The following GRIK4 variants were observed in gnomAD, a reference collection of about 807,000 sequenced individuals.
GRIK4 encodes glutamate receptor ionotropic, kainate 4.
Under a neutral mutation model 104.9 loss-of-function variants are expected in GRIK4, and 40 were observed. The observed-to-expected ratio is 0.38, with a 90% CI of 0.30 to 0.50. The LOEUF (loss-of-function observed/expected upper bound fraction) is 0.50, where lower values mean the gene tolerates loss of function less well. GRIK4 is among the 20% of genes least tolerant of loss of function. GRIK4 has a pLI of 0.93. For synonymous variants in GRIK4, 485 were observed against 524.9 expected (o/e 0.92, Z 1.04); for missense variants, 1,047 against 1,308.1 (o/e 0.80, Z 3.08).
At chr11:120,941,650 G>C (rs911290922) in intron 14 of GRIK4, among the ~76,000 whole-genome samples, 22 of 152,308 alleles carry the variant, frequency 1.4e-4, no homozygotes, top group African/African-American at 5.1e-4. Flanking sequence ...ATAAAAAGAA[G>C]GGAATTTGAA....
In GRIK4 at chr11:120,627,891, G is replaced by C. The variant is rs75061514; in HGVS notation, c.-158-25794G>C. On this transcript the variant is annotated intron_variant, in intron 1 of 20. Coordinates refer to ENST00000527524, the MANE Select transcript of GRIK4 (RefSeq NM_014619.5). ...AATAAAGGTCAAGACAAACTTCAGA[G>C]TGAACTTCTGAACTCATGTCACGGT... is the stretch of plus-strand genomic sequence containing the variant. 5.2e-3 allele frequency among the ~76,000 whole-genome samples: 786 copies of C among 152,362 alleles called. 6 individuals carry two copies. Among genetic ancestry groups the C allele is most frequent in the African/African-American group, 0.018 (730 of 41,574 alleles).
At position 120,800,202 on chromosome 11, in the gene GRIK4, G is replaced by A. The variant is rs144612697; in HGVS notation, c.83-2491G>A. 8.0e-4 allele frequency among the ~76,000 whole-genome samples: 121 copies of A among 152,200 alleles called. 1 individual carries two copies. In the East Asian group the frequency reaches 0.02, roughly 25 times the overall value. On this transcript the variant is annotated intron_variant, in intron 3 of 20. Transcript: ENST00000527524. The stretch of plus-strand genomic sequence containing the variant: ...ACATTTTTTCCCACATCAACTCTTA[G>A]GTGGAACCCCAACCCCTGAAATGGA...
At position 120,967,257 on chromosome 11, in the gene GRIK4, G is replaced by A; in HGVS notation, c.2329G>A (p.Glu777Lys). 1.2e-6 allele frequency: 2 copies of A among 1,613,898 alleles called. No individual in the cohort carries two copies. Among genetic ancestry groups the A allele is most frequent in the Non-Finnish European group, 1.7e-6 (2 of 1,179,864 alleles). Residue 777 changes from glutamate (E) to lysine (K), a missense_variant, in exon 19 of 21, where the codon GAG (glutamate) becomes AAG (lysine). By Grantham distance (56) the Glu-to-Lys change is moderately conservative. Around this residue, in one of 3 missense-constraint regions of GRIK4, gnomAD observed 440 missense variants for 652.3 expected, o/e 0.67. Coordinates refer to ENST00000527524, the MANE Select transcript of GRIK4 (RefSeq NM_014619.5). The surrounding 1 kb of genome is among the most constrained non-coding windows in gnomAD (Gnocchi z 4.2). ...ILQLQENNRL[E>K]ILKRKWWEGG... ...CCAGCTGCAGGAGAACAACCGCCTGGAGATCCTGAAGCGCAAATGGTGGGA... is the reference window on the plus strand; with the variant it reads ...CCAGCTGCAGGAGAACAACCGCCTGAAGATCCTGAAGCGCAAATGGTGGGA...
chr11:120,611,307 C>T (rs985904071), intron 1 of GRIK4, among the ~76,000 whole-genome samples: 13 of 152,102 alleles, frequency 8.5e-5, no homozygotes, highest in East Asian at 5.8e-4. Context: ...TTCATCTCTT[C>T]GGGCCTTAGT....
intron 9 of GRIK4, 138 bp from the exon 10 acceptor site, chr11:120,873,928 G>A (rs1592018282): frequency 4.0e-6 from 3 of 740,876 alleles, no homozygotes; most frequent in South Asian, 1.9e-5. Flanking sequence ...TGGGCCAAGG[G>A]TGATGAAGAT....
chr11:120,552,318 C>G (rs780396661), intron 1 of GRIK4, among the ~76,000 whole-genome samples: 13 of 152,166 alleles, frequency 8.5e-5, no homozygotes, highest in Non-Finnish European at 1.6e-4. Flanking sequence ...CCCCACCCCA[C>G]CCCCACACAT....
At position 120,836,907 on chromosome 11, in the gene GRIK4, A is replaced by T. The variant is rs1953587864; in HGVS notation, c.744+63A>T. 6.4e-6 allele frequency: 7 copies of T among 1,090,244 alleles called. No homozygotes were observed. In the Admixed American group the frequency reaches 6.9e-5, roughly 11 times the overall value. 67.5% of individuals were successfully genotyped at this position (1,090,244 alleles called of 1,614,324 possible). On this transcript the variant is annotated intron_variant, in intron 8 of 20. Transcript: ENST00000527524. The stretch of plus-strand genomic sequence containing the variant: ...TGTTGTCAGTGGTCAGGATTGATGG[A>T]TTATAAGGGAAAAAGCCCAGGGGAT...
intron 16 of GRIK4, among the ~76,000 whole-genome samples, chr11:120,959,226 G>A (rs1383108227): frequency 2.0e-5 from 3 of 152,146 alleles, no homozygotes; most frequent in Non-Finnish European, 4.4e-5. Flanking sequence ...GAAGGCGAGT[G>A]GTTTTCCCCC....
At chr11:120,712,904 C>T (rs958152544) in intron 3 of GRIK4, among the ~76,000 whole-genome samples, 13 of 152,162 alleles carry the variant, frequency 8.5e-5, no homozygotes, top group Non-Finnish European at 1.8e-4. Context: ...GATTTTTACC[C>T]GTGTCACTAG....
At chr11:120,810,009 G>A (rs533888464) in intron 4 of GRIK4, among the ~76,000 whole-genome samples, 9 of 152,330 alleles carry the variant, frequency 5.9e-5, no homozygotes, top group African/African-American at 1.7e-4. Context: ...AGTCTGCAGT[G>A]AGCTATGATT....
rs1405857619 is a variant in GRIK4, at chr11:120,793,775, G to A, written c.83-8918G>A. Among the ~76,000 whole-genome samples, 6 of 150,934 alleles carry A rather than the reference G, an allele frequency of 4.0e-5. No individual in the cohort carries two copies. The East Asian group carries it at 5.9e-4, about 15-fold the overall frequency. ...TTTGAGGGGAAGGGTAGTGTTAGGGGCTGAGAGCTGGGCAATGTTTAGAGG... is the reference window on the plus strand; with the variant it reads ...TTTGAGGGGAAGGGTAGTGTTAGGGACTGAGAGCTGGGCAATGTTTAGAGG... On this transcript the variant is annotated intron_variant, in intron 3 of 20. Transcript: ENST00000527524.
chr11:120,543,642 A>C (rs1436532750), intron 1 of GRIK4, among the ~76,000 whole-genome samples: 1 of 152,210 alleles, frequency 6.6e-6, no homozygotes, highest in African/African-American at 2.4e-5. Context: ...CAGTAATCCC[A>C]CTTCTGGGTA....
At chr11:120,859,122 T>A (rs1164517313) in intron 8 of GRIK4, 1 of 152,138 alleles carries the variant, frequency 6.6e-6, no homozygotes, top group Non-Finnish European at 1.5e-5. Flanking sequence ...AACTCATTCA[T>A]TCTTACTCCG....
At chr11:120,554,753 T>C (rs2136098051) in intron 1 of GRIK4, among the ~76,000 whole-genome samples, 1 of 152,214 alleles carries the variant, frequency 6.6e-6, no homozygotes. Context: ...GAGACGGAGT[T>C]TCACCATGTT....
chr11:120,677,673 G>A (rs1342161629), intron 3 of GRIK4, among the ~76,000 whole-genome samples: 1 of 152,250 alleles, frequency 6.6e-6, no homozygotes, highest in Non-Finnish European at 1.5e-5. Context: ...ATTAAGTGCT[G>A]AGACATCAGC....
At chr11:120,978,651 G>C (rs1944601684) in intron 19 of GRIK4, among the ~76,000 whole-genome samples, 1 of 152,186 alleles carries the variant, frequency 6.6e-6, no homozygotes, top group Admixed American at 6.5e-5. Flanking sequence ...GAGATGGTGG[G>C]TGCCTGAACT....
chr11:120,547,333 T>C (rs904108976), intron 1 of GRIK4, among the ~76,000 whole-genome samples: 9 of 152,256 alleles, frequency 5.9e-5, no homozygotes, highest in African/African-American at 2.2e-4. Flanking sequence ...TCTGTGGATG[T>C]CTCGCCCCTA....
chr11:120,678,935 G>GTT (rs56145030), intron 3 of GRIK4, among the ~76,000 whole-genome samples: 1 of 148,464 alleles, frequency 6.7e-6, no homozygotes, highest in African/African-American at 2.5e-5. Flanking sequence ...GCCTGGCCTG[G>GTT]TTTTTTTTTT....
chr11:120,589,409 GA>G (rs1192147495), intron 1 of GRIK4, among the ~76,000 whole-genome samples: 2 of 152,158 alleles, frequency 1.3e-5, no homozygotes, highest in Admixed American at 6.5e-5. Context: ...GGCTTTTCTA[GA>G]GAGGGCTTGA....
Sources: gnomAD v4.1 joint callset for allele counts (sites outside exome capture counted in the v4.1 genomes callset) on GRCh38, gnomAD v4.1.1 for gene constraint, gnomAD v4.1.1 regional missense constraint, Gnocchi (gnomAD v3.1) non-coding constraint, MANE v1.5 for transcripts, NCBI Gene and HGNC (gene_info 2026-07-23, HGNC 2026-07-21) for gene names.